Variants in LPO observed in about 807,000 individuals in gnomAD.
LPO encodes the protein lactoperoxidase, also known as salivary peroxidase.
In LPO, 70 loss-of-function variants were observed where a neutral mutation model predicts 68.4. The ratio of observed to expected loss-of-function variants is 1.02; its 90% CI spans 0.84 to 1.25. LPO has a LOEUF of 1.25. Ranked by LOEUF, LPO falls within the 50% of genes most tolerant of loss-of-function variation. The pLI, the probability that LPO is intolerant of heterozygous loss-of-function variation, is 0.00. For missense variants in LPO, 873 were observed against 908.4 expected (o/e 0.96, Z 0.50); for synonymous variants, 360 against 357.6 (o/e 1.01, Z -0.08).
At position 58,268,307 on chromosome 17, in the gene LPO, C is replaced by A; in HGVS notation, c.*313C>A. 2.7e-6 allele frequency: 1 copy of A among 367,130 alleles called. No individual in the cohort carries two copies. The highest frequency in any genetic ancestry group is 5.1e-6 in the Non-Finnish European group (1 of 195,778). The allele number at this position is 367,130 out of a possible 1,614,324, so 22.7% of individuals were successfully genotyped here. ...GTCTTGGCCCTTAACCTTTATCTTTCTTCCTGTCCTCTCACCTAGATTGTA... is the reference window on the plus strand; with the variant it reads ...GTCTTGGCCCTTAACCTTTATCTTTATTCCTGTCCTCTCACCTAGATTGTA... On this transcript the variant is annotated 3_prime_UTR_variant, in exon 13 of 13. Coordinates refer to ENST00000262290, the MANE Select transcript of LPO (RefSeq NM_006151.3).
intron 8 of LPO, among the ~76,000 whole-genome samples, chr17:58,253,191 C>G (rs1294711346): frequency 6.6e-6 from 1 of 152,062 alleles, no homozygotes; most frequent in Non-Finnish European, 1.5e-5. Context: ...ATAATCGGGT[C>G]TTACTATAAA....
intron 10 of LPO, among the ~76,000 whole-genome samples, chr17:58,265,733 C>T (rs1970250231): frequency 6.6e-6 from 1 of 151,802 alleles, no homozygotes; most frequent in Admixed American, 6.6e-5. Flanking sequence ...AAGGCACACA[C>T]CCCCATACCT....
chr17:58,246,156 G>A (rs945738945), intron 3 of LPO, among the ~76,000 whole-genome samples: 1 of 152,196 alleles, frequency 6.6e-6, no homozygotes, highest in African/African-American at 2.4e-5. Context: ...CATGGGGGTG[G>A]CATTCCAGGC....
intron 1 of LPO, 197 bp from the exon 2 acceptor site, chr17:58,242,781 T>C (rs1969780671): frequency 3.8e-6 from 2 of 529,200 alleles, no homozygotes; most frequent in Non-Finnish European, 6.7e-6. Context: ...CCATGTCTTC[T>C]CCTCTTTCCA....
chr17:58,263,103 C>A (rs1769852735), intron 9 of LPO, among the ~76,000 whole-genome samples: 2 of 151,912 alleles, frequency 1.3e-5, no homozygotes, highest in African/African-American at 4.8e-5. Context: ...CTGTCACTCC[C>A]ACTCTGTTAT....
Position 58,247,556 on chromosome 17 carries a change from G to T in LPO, c.243G>T (p.Thr81=). The T allele has an allele frequency of 6.2e-7, 1 of 1,614,148 alleles. No homozygotes were observed. The highest frequency in any genetic ancestry group is 8.5e-7 in the Non-Finnish European group (1 of 1,180,030). The change falls in exon 4 of 13, where the codon ACG becomes ACT. Residue 81 remains threonine, a synonymous_variant. Coordinates refer to ENST00000262290, the MANE Select transcript of LPO (RefSeq NM_006151.3). ...SEYLKHAKGR[T]RTAIRNGQVW... ...ACCTCAAGCATGCCAAAGGCCGGAC[G>T]CGCACAGCCATCCGCAATGGACAGG...
At chr17:58,253,865 C>A (rs180902328) in intron 8 of LPO, among the ~76,000 whole-genome samples, 3 of 152,154 alleles carry the variant, frequency 2.0e-5, no homozygotes, top group African/African-American at 7.2e-5. Flanking sequence ...AATCCCAACA[C>A]TTTGGGAGGC....
Position 58,252,568 on chromosome 17 carries a change from C to T in LPO, c.1105+62C>T, listed in dbSNP as rs1969982825. Reference sequence around the variant, plus strand: ...AGGGGATTATCCAGGGAAGCTTTACCACTGCCCCCTTCTTGTCATCTTTCT... The same window carrying T: ...AGGGGATTATCCAGGGAAGCTTTACTACTGCCCCCTTCTTGTCATCTTTCT... On this transcript the variant is annotated intron_variant, in intron 8 of 12. Coordinates refer to ENST00000262290, the MANE Select transcript of LPO (RefSeq NM_006151.3). 4.0e-6 allele frequency: 6 copies of T among 1,484,972 alleles called. No individual in the cohort carries two copies. The East Asian group carries it at 1.4e-4, about 35-fold the overall frequency. 92.0% of individuals were successfully genotyped at this position (1,484,972 alleles called of 1,614,324 possible). A position where few individuals can be genotyped will look rare whatever the true frequency, so the allele number is the denominator to read the frequency against.
chr17:58,265,065 C>A (rs886157342), intron 10 of LPO, 91 bp downstream of exon 10: 1 of 1,527,838 alleles, frequency 6.5e-7, no homozygotes, highest in African/African-American at 1.4e-5. Context: ...ATTCCAAGCA[C>A]TTTTACATGA....
chr17:58,243,904 A>T, intron 2 of LPO, 90 bp from the exon 3 acceptor site: 1 of 824,266 alleles, frequency 1.2e-6, no homozygotes, highest in Non-Finnish European at 2.1e-6. Context: ...GGTGGGGGTA[A>T]TGGCCGAGAA....
intron 2 of LPO, 190 bp downstream of exon 2, chr17:58,243,245 G>A (rs1969790990): frequency 1.8e-6 from 1 of 567,826 alleles, no homozygotes; most frequent in South Asian, 2.1e-5. Context: ...CCAGCTTCTG[G>A]TGGCCCTGGT....
At chr17:58,246,249 G>T (rs1411752668) in intron 3 of LPO, among the ~76,000 whole-genome samples, 1 of 152,182 alleles carries the variant, frequency 6.6e-6, no homozygotes, top group African/African-American at 2.4e-5. Context: ...AGGCAAGGAG[G>T]ATCACGCATA....
chr17:58,261,713 T>C (rs767646324), intron 9 of LPO, among the ~76,000 whole-genome samples: 12 of 152,214 alleles, frequency 7.9e-5, no homozygotes, highest in Non-Finnish European at 1.6e-4. Context: ...TCCTCTAATA[T>C]TGTTTTTCTT....
chr17:58,242,152 C>T (rs1023149346), intron 1 of LPO, among the ~76,000 whole-genome samples: 3 of 152,208 alleles, frequency 2.0e-5, no homozygotes, highest in African/African-American at 7.2e-5. Flanking sequence ...GCCAGAATCT[C>T]CTCAGAAGAT....
rs1567824695 is a variant in LPO, at chr17:58,267,511, T to C, written c.1856T>C (p.Val619Ala). Reference protein sequence around the residue: ...IWIGAIAEPLVERGRVGPLLA... With the variant: ...IWIGAIAEPLAERGRVGPLLA... ...ATAGGGGCCATTGCTGAGCCGCTGGTGGAAAGGGGTCGGGTGGGGCCTCTC... is the reference window on the plus strand; with the variant it reads ...ATAGGGGCCATTGCTGAGCCGCTGGCGGAAAGGGGTCGGGTGGGGCCTCTC... Residue 619 changes from valine (V) to alanine (A), a missense_variant, in exon 12 of 13, where the codon GTG (valine) becomes GCG (alanine). By Grantham distance (64) the Val-to-Ala change is moderately conservative (BLOSUM62 0). Coordinates refer to ENST00000262290, the MANE Select transcript of LPO (RefSeq NM_006151.3). The C allele has an allele frequency of 6.2e-7, 1 of 1,614,140 alleles. No individual in the cohort carries two copies.
chr17:58,260,052 A>T (rs1387958120), intron 9 of LPO, among the ~76,000 whole-genome samples: 1 of 152,214 alleles, frequency 6.6e-6, no homozygotes, highest in East Asian at 1.9e-4. Flanking sequence ...TGACCTCGTG[A>T]TCCGCCCACC....
chr17:58,263,860 A>C (rs143529081), intron 9 of LPO, among the ~76,000 whole-genome samples: 92 of 152,276 alleles, frequency 6.0e-4, no homozygotes, highest in Non-Finnish European at 8.8e-4. Context: ...TTGCAATGCT[A>C]TTCTGGTCTA....
intron 9 of LPO, among the ~76,000 whole-genome samples, chr17:58,262,476 G>A (rs1303418219): frequency 2.0e-5 from 3 of 152,168 alleles, no homozygotes; most frequent in Non-Finnish European, 4.4e-5. Context: ...GGCAACCTCC[G>A]CCTCCCGGGC....
rs373355421 is a variant in LPO, at chr17:58,240,680, AGAG to A, written c.-3+1945_-3+1947del. On this transcript the variant is annotated intron_variant, in intron 1 of 12. Transcript: ENST00000262290. ...GAGAGCATGAAGGGGGTCCTAAAGAAGAGGAGAGGAGAATTGAATATTTAAGTA... is the reference window on the plus strand; with the variant it reads ...GAGAGCATGAAGGGGGTCCTAAAGAAGAGAGGAGAATTGAATATTTAAGTA... Among the ~76,000 whole-genome samples the A allele has an allele frequency of 1.1e-4, 17 of 152,326 alleles. No individual in the cohort carries two copies. In the East Asian group the frequency reaches 3.3e-3, roughly 29 times the overall value.
Sources: allele counts gnomAD v4.1 joint callset (sites outside exome capture counted in the v4.1 genomes callset), GRCh38; gene constraint gnomAD v4.1.1; transcripts MANE v1.5; gene names NCBI Gene and HGNC (gene_info 2026-07-23, HGNC 2026-07-21).